Variants in CANX observed in about 807,000 individuals in gnomAD.
CANX encodes the protein epididymis secretory sperm binding protein.
In CANX, 14 loss-of-function variants were observed where a neutral mutation model predicts 75.7. The ratio of observed to expected loss-of-function variants is 0.19; its 90% confidence interval spans 0.12 to 0.29. CANX has a LOEUF of 0.29. CANX is among the 10% of genes least tolerant of loss of function. The pLI is 1.00. For synonymous variants in CANX, 227 were observed against 236.9 expected (o/e 0.96, Z 0.38); for missense variants, 567 against 713.2 (o/e 0.79, Z 2.34).
chr5:179,725,365 C>G (rs938794548), intron 13 of CANX, among the ~76,000 whole-genome samples: 1 of 151,942 alleles, frequency 6.6e-6, no homozygotes, highest in Non-Finnish European at 1.5e-5. Flanking sequence ...AGCCACCAGA[C>G]CCAGCGAGAT....
Position 179,686,686 on chromosome 5 carries a change from G to C in CANX, c.-4+7909G>C, listed in dbSNP as rs894448324. Among the ~76,000 whole-genome samples, 9 of 151,856 alleles carry C rather than the reference G, an allele frequency of 5.9e-5. No individual in the cohort carries two copies. In the East Asian group the frequency reaches 7.8e-4, roughly 13 times the overall value. ...GCCATGTTGCAAAACTCCTGGGCTT[G>C]AACTCCTGGGCTCAAGCGTTGTGCC... On this transcript the variant is annotated intron_variant, in intron 1 of 14. Coordinates refer to the CANX transcript ENST00000681674.
chr5:179,704,885 T>C (rs866241547), intron 1 of CANX, among the ~76,000 whole-genome samples: 25 of 152,256 alleles, frequency 1.6e-4, no homozygotes, highest in Admixed American at 5.2e-4. Context: ...TTGTTCTTAG[T>C]TTAATATTCT....
rs1778460649 is a variant in CANX, at chr5:179,723,707, G to T, written c.1446G>T (p.Trp482Cys). Reference protein sequence around the residue: ...QMIEAAEERPWLWVVYILTVA... With the variant: ...QMIEAAEERPCLWVVYILTVA... ...TCGAGGCAGCTGAAGAGCGCCCGTG[G>T]CTGTGGGTAGTCTATATTCTAACTG... The change falls in exon 12 of 15, where the codon TGG (tryptophan) becomes TGT (cysteine). Residue 482 changes from tryptophan to cysteine, a missense_variant. Trp to Cys is a radical substitution (Grantham distance 215). Transcript: ENST00000247461. The T allele has an allele frequency of 2.5e-6, 4 of 1,613,762 alleles. No homozygotes were observed. The highest frequency in any genetic ancestry group is 2.7e-5 in the African/African-American group (2 of 74,878).
intron 7 of CANX, among the ~76,000 whole-genome samples, chr5:179,715,559 A>T (rs1777885108): frequency 6.6e-6 from 1 of 152,228 alleles, no homozygotes; most frequent in African/African-American, 2.4e-5. Context: ...ATAAAATTTT[A>T]AAAAATGCTT....
chr5:179,710,707 C>CA (rs71591440), intron 7 of CANX, among the ~76,000 whole-genome samples: 699 of 27,368 alleles, frequency 0.026, 136 homozygotes, highest in Middle Eastern at 0.1. Flanking sequence ...GACTCCATCT[C>CA]AAAAAAAAAA....
chr5:179,726,801 G>A (rs1170926928), intron 14 of CANX, 42 bp downstream of exon 14: 50 of 1,392,372 alleles, frequency 3.6e-5, no homozygotes, highest in Non-Finnish European at 5.0e-5. Flanking sequence ...CCAAGCTGAA[G>A]GTACATTTAT....
In CANX at chr5:179,709,066, A is replaced by G. The variant is rs951124792; in HGVS notation, c.528+7A>G. ...AACACCAGAACTCAACCTGGTATGT[A>G]ATTCCCATTTCTGGAATGTGGCTGG... On this transcript the variant is annotated splice_region_variant and intron_variant, in intron 6 of 14. Coordinates refer to ENST00000247461, the MANE Select transcript of CANX (RefSeq NM_001746.4). 4 of 1,517,306 alleles carry G rather than the reference A, an allele frequency of 2.6e-6. No individual in the cohort carries two copies. The highest frequency in any genetic ancestry group is 3.7e-6 in the Non-Finnish European group (4 of 1,091,668). The allele number at this position is 1,517,306 out of a possible 1,614,324, so 94.0% of individuals were successfully genotyped here. A position where few individuals can be genotyped will look rare whatever the true frequency, so the allele number is the denominator to read the frequency against.
intron 10 of CANX, 106 bp from the exon 11 acceptor site, chr5:179,722,698 G>T: frequency 3.0e-6 from 2 of 668,912 alleles, no homozygotes; most frequent in Non-Finnish European, 5.2e-6. Flanking sequence ...TCATGAAGTT[G>T]GCATTTCTCT....
At chr5:179,724,021 A>C (rs1029690533) in intron 12 of CANX, among the ~76,000 whole-genome samples, 2 of 151,966 alleles carry the variant, frequency 1.3e-5, no homozygotes, top group Non-Finnish European at 2.9e-5. Context: ...GTTACTCTCC[A>C]TAGTGTTCGG....
chr5:179,691,438 G>A (rs751310114), intron 1 of CANX, among the ~76,000 whole-genome samples: 1 of 152,120 alleles, frequency 6.6e-6, no homozygotes, highest in Non-Finnish European at 1.5e-5. Context: ...CGGGCACAGT[G>A]CTTCATGCCT....
chr5:179,692,293 T>C (rs1271776025), intron 1 of CANX, among the ~76,000 whole-genome samples: 1 of 152,156 alleles, frequency 6.6e-6, no homozygotes, highest in East Asian at 1.9e-4. Context: ...CAGGCTGGTC[T>C]TGAACTCCTG....
In CANX at chr5:179,726,733, G is replaced by A. The variant is rs1031643847; in HGVS notation, c.1699G>A (p.Glu567Lys). ...EEDGGTVSQE[E>K]EDRKPKAEED... ...AGATGGTGGCACTGTCAGTCAAGAG[G>A]AGGAAGACAGAAAACCTAAAGCAGA... Residue 567 changes from glutamate to lysine, a missense_variant, in exon 14 of 15, where the codon GAG (glutamate) becomes AAG (lysine). By Grantham distance (56) the Glu-to-Lys change is moderately conservative. Transcript: ENST00000247461. 5 of 1,613,460 alleles carry A rather than the reference G, an allele frequency of 3.1e-6. No homozygotes were observed. In the African/African-American group the frequency reaches 6.7e-5, roughly 22 times the overall value.
intron 11 of CANX, chr5:179,723,459 T>G: frequency 1.2e-5 from 6 of 516,622 alleles, no homozygotes; most frequent in Non-Finnish European, 2.0e-5. Context: ...TTTGCACCTA[T>G]GAGAGTGAAA....
intron 1 of CANX, among the ~76,000 whole-genome samples, chr5:179,690,574 C>T (rs1776283013): frequency 2.2e-5 from 1 of 44,660 alleles, no homozygotes; most frequent in Non-Finnish European, 4.5e-5. Context: ...GAGACTTCAT[C>T]TCAAAAAAAA....
At chr5:179,682,200 G>A (rs1581811798) in intron 1 of CANX, among the ~76,000 whole-genome samples, 1 of 140,912 alleles carries the variant, frequency 7.1e-6, no homozygotes, top group South Asian at 2.3e-4. Flanking sequence ...TGCAATGAGC[G>A]AAGATTGTGC....
upstream of CANX, among the ~76,000 whole-genome samples, chr5:179,695,033 A>G (rs1259215094): frequency 6.6e-6 from 1 of 151,720 alleles, no homozygotes; most frequent in African/African-American, 2.4e-5. Context: ...TTCCTTTTTT[A>G]AGTTTTTATT....
At position 179,708,282 on chromosome 5, in the gene CANX, T is replaced by C; in HGVS notation, c.348T>C (p.Gly116=). The change falls in exon 5 of 15, where the codon GGT becomes GGC. Residue 116 remains glycine, a synonymous_variant. Transcript: ENST00000247461. The part of the protein sequence containing the change: ...VEEMKESKLP[G]DKGLVLMSRA... ...AAATGAAGGAGTCAAAGCTTCCAGG[T>C]GATAAAGGACTTGTGTTGATGTCTC... 1 of 1,613,602 alleles carries C rather than the reference T, an allele frequency of 6.2e-7. No homozygotes were observed. Among genetic ancestry groups the C allele is most frequent in the Admixed American group, 1.7e-5 (1 of 59,982 alleles).
chr5:179,719,099 G>A (rs1180486774), intron 8 of CANX, among the ~76,000 whole-genome samples: 1 of 152,104 alleles, frequency 6.6e-6, no homozygotes, highest in African/African-American at 2.4e-5. Flanking sequence ...TCTAGCTATA[G>A]ATATATATTT....
At position 179,708,989 on chromosome 5, in the gene CANX, A is replaced by G. The variant is rs1409462926; in HGVS notation, c.458A>G (p.Asn153Ser). Residue 153 changes from asparagine to serine, a missense_variant, in exon 6 of 15, where the codon AAT becomes AGT. By Grantham distance (46) the Asn-to-Ser change is conservative. Transcript: ENST00000247461. ...CTCTCTGATATTAGGTATGAGGTTA[A>G]TTTCCAAAATGGAATAGAATGTGGT... ...TKPLIVQYEV[N>S]FQNGIECGGA... 1 of 1,583,952 alleles carries G rather than the reference A, an allele frequency of 6.3e-7. No individual in the cohort carries two copies. Among genetic ancestry groups the G allele is most frequent in the Non-Finnish European group, 8.7e-7 (1 of 1,152,566 alleles).
Sources: allele counts gnomAD v4.1 joint callset (sites outside exome capture counted in the v4.1 genomes callset), GRCh38; gene constraint gnomAD v4.1.1; transcripts MANE v1.5; gene names NCBI Gene and HGNC (gene_info 2026-07-23, HGNC 2026-07-21).